Variants in NFIB observed in about 807,000 individuals in gnomAD.
NFIB encodes nuclear factor I B.
A neutral mutation model predicts 61.5 loss-of-function variants in NFIB; 11 were observed. The ratio of observed to expected loss-of-function variants is 0.18; its 90% CI spans 0.11 to 0.30. The LOEUF (loss-of-function observed/expected upper bound fraction) is 0.30, where lower values mean the gene tolerates loss of function less well. Among genes scored for constraint, NFIB ranks in the 10% least tolerant of loss-of-function variants. The pLI is 1.00. For synonymous variants in NFIB, 260 were observed against 216.5 expected, an observed-to-expected ratio of 1.20 and a Z score of -1.76; for missense variants, 471 against 608.9, an observed-to-expected ratio of 0.77 and a Z score of 2.38.
At chr9:14,277,396 G>A (rs1382385873) in intron 2 of NFIB, among the ~76,000 whole-genome samples, 3 of 151,986 alleles carry the variant, frequency 2.0e-5, no homozygotes, top group Admixed American at 2.0e-4. Context: ...TCATTTGGAA[G>A]AATCTCCAGA....
At chr9:14,462,260 C>CTATTTTCTT in the NFIB span, among the ~76,000 whole-genome samples, 2 of 151,752 alleles carry the variant, frequency 1.3e-5, no homozygotes, top group Non-Finnish European at 2.9e-5. Flanking sequence ...GTATGGTATT[C>CTATTTTCTT]TTTTTTCTTT....
rs1484278017 is a variant in NFIB at position 14,313,167 on chromosome 9, C to G, written c.30+315G>C. 1.3e-5 allele frequency among the ~76,000 whole-genome samples: 2 copies of G among 152,164 alleles called. No homozygotes were observed. The highest frequency in any genetic ancestry group is 4.8e-5 in the African/African-American group (2 of 41,446). On this transcript the variant is annotated intron_variant, in intron 1 of 10. Coordinates refer to ENST00000380953, the MANE Select transcript of NFIB (RefSeq NM_001190737.2). This position sits in a 1 kb window ranked among gnomAD's most constrained non-coding sequence, Gnocchi z 4.5. ...GGCACCCCGGGCGGGGATGCCGCAC[C>G]ACAACGGGCACTTGAGGGGCCGCAC...
the NFIB span, among the ~76,000 whole-genome samples, chr9:14,407,691 T>C: frequency 6.6e-6 from 1 of 152,216 alleles, no homozygotes; most frequent in African/African-American, 2.4e-5. Flanking sequence ...ATTTACTTTT[T>C]ATTTTTATTT....
At chr9:14,463,663 T>TTC in the NFIB span, among the ~76,000 whole-genome samples, 2 of 66,754 alleles carry the variant, frequency 3.0e-5, no homozygotes, top group East Asian at 1.2e-3. Flanking sequence ...GATTTTCTTT[T>TTC]TTTTTTTTTT....
intron 2 of NFIB, among the ~76,000 whole-genome samples, chr9:14,226,160 T>C (rs772474653): frequency 1.3e-5 from 2 of 152,190 alleles, no homozygotes; most frequent in Non-Finnish European, 2.9e-5. Context: ...TATTTATTCA[T>C]TGAGATACGG....
intron 10 of NFIB, among the ~76,000 whole-genome samples, chr9:14,106,404 A>T (rs2036564390): frequency 6.6e-6 from 1 of 152,152 alleles, no homozygotes; most frequent in African/African-American, 2.4e-5. Context: ...TAAGAAAGTA[A>T]GATTATCTTC....
intron 4 of NFIB, among the ~76,000 whole-genome samples, chr9:14,154,319 T>C (rs777692581): frequency 2.0e-5 from 3 of 152,064 alleles, no homozygotes; most frequent in Non-Finnish European, 2.9e-5. Context: ...GAAGTACAAA[T>C]TTAAGCAAAT....
chr9:14,195,209 A>G (rs115320581), intron 2 of NFIB, among the ~76,000 whole-genome samples: 2,427 of 152,202 alleles, frequency 0.016, 55 homozygotes, highest in African/African-American at 0.05. Context: ...GAACTGACCT[A>G]CAGAGAATTT....
chr9:14,517,070 A>G, the NFIB span, among the ~76,000 whole-genome samples: 1 of 152,236 alleles, frequency 6.6e-6, no homozygotes, highest in Non-Finnish European at 1.5e-5. Flanking sequence ...TCAAGCAGCT[A>G]AGCAGCTGTT....
intron 3 of NFIB, 145 bp downstream of exon 3, chr9:14,179,582 C>T: frequency 1.4e-6 from 1 of 701,696 alleles, no homozygotes; most frequent in Non-Finnish European, 2.3e-6. Context: ...TGCAAAGGGC[C>T]TAAGCACAAT....
At chr9:14,486,475 G>A in the NFIB span, among the ~76,000 whole-genome samples, 3 of 152,144 alleles carry the variant, frequency 2.0e-5, no homozygotes, top group African/African-American at 4.8e-5. Context: ...AAGTAAGGAG[G>A]AAAATATGCC....
intron 10 of NFIB, among the ~76,000 whole-genome samples, chr9:14,112,640 C>T (rs1320855055): frequency 6.6e-6 from 1 of 152,190 alleles, no homozygotes; most frequent in South Asian, 2.1e-4. Context: ...TTATATACTG[C>T]TTCTATTCTA....
the NFIB span, among the ~76,000 whole-genome samples, chr9:14,469,929 T>C: frequency 6.6e-6 from 1 of 152,308 alleles, no homozygotes; most frequent in East Asian, 1.9e-4. Flanking sequence ...CCCCAAATAT[T>C]CTATTTGTGT....
chr9:14,119,879 C>T (rs563960414), intron 8 of NFIB, among the ~76,000 whole-genome samples: 1 of 152,142 alleles, frequency 6.6e-6, no homozygotes, highest in African/African-American at 2.4e-5. Flanking sequence ...CCCAAAACCA[C>T]TGCACAATGT....
chr9:14,490,354 T>C, the NFIB span, among the ~76,000 whole-genome samples: 3 of 152,254 alleles, frequency 2.0e-5, no homozygotes, highest in East Asian at 1.9e-4. Context: ...GGCAAAACTA[T>C]AGAAATTCTA....
At chr9:14,118,683 G>T (rs1476807623) in intron 8 of NFIB, among the ~76,000 whole-genome samples, 4 of 151,692 alleles carry the variant, frequency 2.6e-5, no homozygotes, top group Admixed American at 2.6e-4. Flanking sequence ...GAAGCTAACA[G>T]CATTAGGAAA....
the NFIB span, among the ~76,000 whole-genome samples, chr9:14,495,985 A>C: frequency 6.6e-6 from 1 of 152,108 alleles, no homozygotes; most frequent in Non-Finnish European, 1.5e-5. Flanking sequence ...TCATCTCTTC[A>C]CCTGTAAAAT....
intron 1 of NFIB, among the ~76,000 whole-genome samples, chr9:14,346,102 C>T (rs535146545): frequency 6.6e-6 from 1 of 152,242 alleles, no homozygotes; most frequent in South Asian, 2.1e-4. Flanking sequence ...CTGTGCTAAG[C>T]CACGGGAAGG....
chr9:14,451,904 C>G, the NFIB span, among the ~76,000 whole-genome samples: 1 of 151,332 alleles, frequency 6.6e-6, no homozygotes, highest in Middle Eastern at 3.2e-3. Context: ...CTGAACCTGT[C>G]GTCCTGTTTT....
Sources: gnomAD v4.1 joint callset for allele counts (sites outside exome capture counted in the v4.1 genomes callset) on GRCh38, gnomAD v4.1.1 for gene constraint, Gnocchi (gnomAD v3.1) non-coding constraint, MANE v1.5 for transcripts, NCBI Gene and HGNC (gene_info 2026-07-23, HGNC 2026-07-21) for gene names.